LRRC37A2: variants seen among roughly 807,000 people sequenced by gnomAD.
The protein encoded by LRRC37A2 is leucine-rich repeat-containing protein 37A2.
A neutral mutation model predicts 68.8 loss-of-function variants in LRRC37A2; 9 were observed. That is an observed-to-expected ratio of 0.13 (90% confidence interval 0.08 to 0.23). The LOEUF is 0.23. Ranked by LOEUF, LRRC37A2 falls within the 10% of genes least tolerant of loss-of-function variation. The pLI, the probability that LRRC37A2 is intolerant of heterozygous loss-of-function variation, is 1.00. For synonymous variants in LRRC37A2, 63 were observed against 367.6 expected, an observed-to-expected ratio of 0.17 and a Z score of 9.48; for missense variants, 168 against 950.4, an observed-to-expected ratio of 0.18 and a Z score of 10.82.
At chr17:46,961,146 T>C in the LRRC37A2 span, among the ~76,000 whole-genome samples, 3 of 152,110 alleles carry the variant, frequency 2.0e-5, no homozygotes, top group South Asian at 6.2e-4. Flanking sequence ...GGTAAAGATA[T>C]TGATTAATTT....
chr17:46,842,526 C>A, the LRRC37A2 span, among the ~76,000 whole-genome samples: 1 of 152,136 alleles, frequency 6.6e-6, no homozygotes, highest in African/African-American at 2.4e-5. Flanking sequence ...AGGTGCATAC[C>A]ACCATGCCCA....
At chr17:46,786,427 G>A in the LRRC37A2 span, among the ~76,000 whole-genome samples, 1 of 152,224 alleles carries the variant, frequency 6.6e-6, no homozygotes, top group Non-Finnish European at 1.5e-5. Context: ...CACAGGGAAG[G>A]GCCTAGGCCC....
At chr17:46,950,075 G>A in the LRRC37A2 span, among the ~76,000 whole-genome samples, 8 of 152,370 alleles carry the variant, frequency 5.3e-5, no homozygotes, top group East Asian at 3.9e-4. Flanking sequence ...CTCCTGGAGG[G>A]AGCATGGGAT....
At chr17:46,821,706 T>G in the LRRC37A2 span, among the ~76,000 whole-genome samples, 11 of 152,028 alleles carry the variant, frequency 7.2e-5, no homozygotes, top group Admixed American at 2.6e-4. Context: ...CACTTTTTGT[T>G]GTGTGTGTGA....
chr17:46,799,191 TC>T, the LRRC37A2 span, among the ~76,000 whole-genome samples: 1 of 152,162 alleles, frequency 6.6e-6, no homozygotes, highest in Non-Finnish European at 1.5e-5. Flanking sequence ...TTGCCTTTTG[TC>T]CACCAAGTCA....
chr17:46,978,797 C>T, the LRRC37A2 span: 1 of 1,611,528 alleles, frequency 6.2e-7, no homozygotes, highest in Non-Finnish European at 8.5e-7. Context: ...CAGAGCACGG[C>T]GATCTGCGCC....
the LRRC37A2 span, among the ~76,000 whole-genome samples, chr17:46,661,192 T>TAA: frequency 7.1e-6 from 1 of 141,792 alleles, no homozygotes; most frequent in Non-Finnish European, 1.5e-5. Context: ...GTAGCCTCTT[T>TAA]ATTATCTTCC....
the LRRC37A2 span, among the ~76,000 whole-genome samples, chr17:46,919,697 C>T: frequency 6.6e-6 from 1 of 152,198 alleles, no homozygotes; most frequent in Non-Finnish European, 1.5e-5. Flanking sequence ...CCTGTAACCC[C>T]AGCACTTTGG....
At chr17:46,807,744 C>T in the LRRC37A2 span, among the ~76,000 whole-genome samples, 3 of 152,106 alleles carry the variant, frequency 2.0e-5, no homozygotes, top group South Asian at 2.1e-4. Flanking sequence ...AGGCTGATGA[C>T]GGAAAACACA....
At chr17:46,638,624 G>A in the LRRC37A2 span, among the ~76,000 whole-genome samples, 2 of 134,454 alleles carry the variant, frequency 1.5e-5, no homozygotes, top group African/African-American at 3.1e-5. Flanking sequence ...TGATCCATCC[G>A]CCTTGACCTC....
chr17:46,998,514 T>G, the LRRC37A2 span, among the ~76,000 whole-genome samples: 1 of 152,196 alleles, frequency 6.6e-6, no homozygotes, highest in Admixed American at 6.5e-5. Context: ...AGAAGAGTGC[T>G]TGATGGGCAC....
At chr17:46,771,569 G>T in the LRRC37A2 span, among the ~76,000 whole-genome samples, 6 of 148,460 alleles carry the variant, frequency 4.0e-5, no homozygotes, top group African/African-American at 1.5e-4. Flanking sequence ...CCGTCCGGCG[G>T]GGCCCGCTGG....
At chr17:46,851,648 C>T in the LRRC37A2 span, 9 of 1,282,560 alleles carry the variant, frequency 7.0e-6, no homozygotes, top group Non-Finnish European at 7.8e-6. This position sits in a 1 kb window ranked among gnomAD's most constrained non-coding sequence, Gnocchi z 4.3. Flanking sequence ...CATGCGCCCC[C>T]CGCCCGCGCT....
chr17:46,952,629 T>C, the LRRC37A2 span: 1 of 152,152 alleles, frequency 6.6e-6, no homozygotes, highest in Non-Finnish European at 1.5e-5. Flanking sequence ...ATGGCTGAGA[T>C]GGAGACATCT....
chr17:46,992,583 T>C, the LRRC37A2 span, among the ~76,000 whole-genome samples: 3 of 152,096 alleles, frequency 2.0e-5, no homozygotes, highest in Non-Finnish European at 4.4e-5. Context: ...CCAGGTGCGG[T>C]GGCTCATGCC....
chr17:46,635,777 ATGTGTGTGTGTGTGTG>A, the LRRC37A2 span, among the ~76,000 whole-genome samples: 2 of 116,794 alleles, frequency 1.7e-5, 1 homozygote, highest in Non-Finnish European at 3.8e-5. Flanking sequence ...GGGAAAATAA[ATGTGTGTGTGTGTGTG>A]TGTGTGTGTG....
At chr17:46,680,268 A>G in the LRRC37A2 span, among the ~76,000 whole-genome samples, 7 of 151,988 alleles carry the variant, frequency 4.6e-5, no homozygotes, top group South Asian at 1.2e-3. Context: ...ACAATGTTAT[A>G]TATTCATGCA....
At chr17:46,793,885 C>T in the LRRC37A2 span, among the ~76,000 whole-genome samples, 1 of 152,136 alleles carries the variant, frequency 6.6e-6, no homozygotes, top group African/African-American at 2.4e-5. Flanking sequence ...GGAGTTGGAC[C>T]CCAAATCCCA....
chr17:46,992,938 T>C, the LRRC37A2 span, among the ~76,000 whole-genome samples: 1 of 151,116 alleles, frequency 6.6e-6, no homozygotes, highest in Non-Finnish European at 1.5e-5. Context: ...CAAAGAAGAT[T>C]TTCTAACAAT....
Sources: allele counts gnomAD v4.1 joint callset (sites outside exome capture counted in the v4.1 genomes callset), GRCh38; gene constraint gnomAD v4.1.1; non-coding constraint Gnocchi (gnomAD v3.1); transcripts MANE v1.5; gene names NCBI Gene and HGNC (gene_info 2026-07-23, HGNC 2026-07-21).